Variants in EP300 observed in about 807,000 individuals in gnomAD.
The protein encoded by EP300 is histone acetyltransferase p300.
In EP300, 31 loss-of-function variants were observed where a neutral mutation model predicts 264.0. The observed-to-expected ratio is 0.12, with a 90% CI of 0.09 to 0.16. EP300 has a LOEUF of 0.16. Ranked by LOEUF, EP300 falls within the 10% of genes least tolerant of loss-of-function variation. The probability of loss-of-function intolerance (pLI) is 1.00; values close to 1 mark genes in which losing one functional copy is unlikely to be tolerated. For missense variants in EP300, 2,766 were observed against 3,052.9 expected, an observed-to-expected ratio of 0.91 and a Z score of 2.21; for synonymous variants, 1,340 against 1,045.4, an observed-to-expected ratio of 1.28 and a Z score of -5.44.
chr22:41,111,509 A>C (rs928549336), intron 1 of EP300, among the ~76,000 whole-genome samples: 1 of 152,044 alleles, frequency 6.6e-6, no homozygotes, highest in African/African-American at 2.4e-5. Context: ...ACAGACAATA[A>C]GTTTTGTTTC....
intron 17 of EP300, among the ~76,000 whole-genome samples, chr22:41,155,973 C>T (rs2059074374): frequency 6.6e-6 from 1 of 151,960 alleles, no homozygotes; most frequent in African/African-American, 2.4e-5. Context: ...AGTGGAATTC[C>T]TGGGTTATAT....
In EP300 at chr22:41,168,808, G is replaced by A. The variant is rs775528306; in HGVS notation, c.4113G>A (p.Leu1371=). ...FAFEEIDGVD[L]CFFGMHVQEY... ...TTGAAGAAATTGATGGTGTTGACCTGTGCTTCTTTGGCATGCATGTTCAAG... is the reference window on the plus strand; with the variant it reads ...TTGAAGAAATTGATGGTGTTGACCTATGCTTCTTTGGCATGCATGTTCAAG... The change falls in exon 25 of 31, where the codon CTG becomes CTA. Residue 1371 remains leucine, a synonymous_variant. Coordinates refer to ENST00000263253, the MANE Select transcript of EP300 (RefSeq NM_001429.4). The A allele has an allele frequency of 6.2e-7, 1 of 1,614,180 alleles. No homozygotes were observed. Among genetic ancestry groups the A allele is most frequent in the Non-Finnish European group, 8.5e-7 (1 of 1,180,040 alleles).
At chr22:41,114,077 G>C (rs947380124) in intron 1 of EP300, among the ~76,000 whole-genome samples, 2 of 152,180 alleles carry the variant, frequency 1.3e-5, no homozygotes, top group African/African-American at 2.4e-5. Context: ...TGTAAATCAC[G>C]TAAGTATAAG....
chr22:41,149,797 C>G lies in EP300; in HGVS notation c.2416C>G (p.Pro806Ala). 6.2e-7 allele frequency: 1 copy of G among 1,614,112 alleles called. No homozygotes were observed. The highest frequency in any genetic ancestry group is 2.2e-5 in the East Asian group (1 of 44,890). The change falls in exon 14 of 31, where the codon CCT becomes GCT. Residue 806 changes from proline to alanine, a missense_variant. By Grantham distance (27) the Pro-to-Ala change is conservative (BLOSUM62 -1). Transcript: ENST00000263253. ...TAGTTCTTCCTGCCCGGTGAACTCTCCTATAATGCCTCCAGGGTCTCAGGG... is the reference window on the plus strand; with the variant it reads ...TAGTTCTTCCTGCCCGGTGAACTCTGCTATAATGCCTCCAGGGTCTCAGGG... ...MSSSSCPVNS[P>A]IMPPGSQGSH...
chr22:41,155,239 T>G, intron 17 of EP300, 126 bp downstream of exon 17: 1 of 818,784 alleles, frequency 1.2e-6, no homozygotes, highest in Non-Finnish European at 2.0e-6. Context: ...TTTTTTTTTT[T>G]CCCCCTGAGA....
chr22:41,103,173 G>A (rs1251654833), intron 1 of EP300, among the ~76,000 whole-genome samples: 1 of 152,144 alleles, frequency 6.6e-6, no homozygotes, highest in African/African-American at 2.4e-5. Flanking sequence ...ATAAATTGGG[G>A]AGCATAGGAA....
At chr22:41,126,658 G>C (rs2058884129) in intron 3 of EP300, among the ~76,000 whole-genome samples, 1 of 147,366 alleles carries the variant, frequency 6.8e-6, no homozygotes. Context: ...GCCTATATTT[G>C]AGATACTCTG....
In EP300 at chr22:41,164,079, G is replaced by A; in HGVS notation, c.3755G>A (p.Arg1252Lys). Residue 1252 changes from arginine (R) to lysine (K), a missense_variant, in exon 22 of 31, where the codon AGA (arginine) becomes AAA (lysine). Coordinates refer to ENST00000263253, the MANE Select transcript of EP300 (RefSeq NM_001429.4). ...ELFVECTECG[R>K]KMHQICVLHH... Reference sequence around the variant, plus strand: ...TTTGTTGAATGTACAGAGTGCGGAAGAAAGATGCATCAGATCTGTGTCCTT... The same window carrying A: ...TTTGTTGAATGTACAGAGTGCGGAAAAAAGATGCATCAGATCTGTGTCCTT... The A allele has an allele frequency of 6.2e-7, 1 of 1,614,170 alleles. No individual in the cohort carries two copies. The highest frequency in any genetic ancestry group is 8.5e-7 in the Non-Finnish European group (1 of 1,180,020).
chr22:41,143,564 T>A (rs1430877241), intron 10 of EP300, among the ~76,000 whole-genome samples: 1 of 152,152 alleles, frequency 6.6e-6, no homozygotes, highest in East Asian at 1.9e-4. Context: ...CATTTGTTTT[T>A]TTGTTGTTGG....
At chr22:41,103,698 A>G (rs1201376609) in intron 1 of EP300, among the ~76,000 whole-genome samples, 1 of 152,146 alleles carries the variant, frequency 6.6e-6, no homozygotes, top group Non-Finnish European at 1.5e-5. Context: ...GAGATGGGAA[A>G]GGATGTTGGG....
At chr22:41,140,580 G>A (rs2058976626) in intron 9 of EP300, among the ~76,000 whole-genome samples, 1 of 152,090 alleles carries the variant, frequency 6.6e-6, no homozygotes, top group African/African-American at 2.4e-5. Flanking sequence ...TCTGAGGTGG[G>A]CGGATCACTT....
chr22:41,155,295 C>T (rs1332057114), intron 17 of EP300, among the ~76,000 whole-genome samples, 182 bp downstream of exon 17: 1 of 151,854 alleles, frequency 6.6e-6, no homozygotes, highest in African/African-American at 2.4e-5. Context: ...GTGGCACGAT[C>T]GTGGCTCACT....
intron 8 of EP300, 107 bp from the exon 9 acceptor site, chr22:41,140,033 C>A: frequency 2.5e-6 from 2 of 809,336 alleles, no homozygotes; most frequent in East Asian, 2.5e-5. Flanking sequence ...TATATATCAC[C>A]TTGCCATTAT....
intron 29 of EP300, 175 bp from the exon 30 acceptor site, chr22:41,176,072 T>C (rs968525443): frequency 1.4e-6 from 1 of 706,908 alleles, no homozygotes; most frequent in Admixed American, 2.7e-5. Context: ...ATGCAGAAAT[T>C]AGCCAGGTGT....
At position 41,131,366 on chromosome 22, in the gene EP300, CTA is replaced by C; in HGVS notation, c.1283-18_1283-17del. 6.2e-7 allele frequency: 1 copy of C among 1,611,936 alleles called. No homozygotes were observed. Among genetic ancestry groups the C allele is most frequent in the Non-Finnish European group, 8.5e-7 (1 of 1,179,300 alleles). On this transcript the variant is annotated intron_variant, in intron 5 of 30. Transcript: ENST00000263253. ...TTCTCACCAGCATTAATTTGTAATA[CTA>C]TATCTTTTGTCTTCTCTAGCAATTT...
chr22:41,147,285 G>A (rs1242982953), intron 11 of EP300, among the ~76,000 whole-genome samples: 3 of 145,516 alleles, frequency 2.1e-5, no homozygotes, highest in Non-Finnish European at 4.5e-5. Flanking sequence ...CAGCCTGAGT[G>A]ACAGCAAGAC....
Position 41,146,800 on chromosome 22 carries a change from A to C in EP300, c.2115A>C (p.Arg705=). Residue 705 remains arginine, a synonymous_variant, in exon 11 of 31, where the codon CGA becomes CGC. Transcript: ENST00000263253. ...GTGTGCCAAACCAGATGATGCCTCG[A>C]ATAACTCCACAATCTGGTAAATAGT... ...RGSVPNQMMP[R]ITPQSGLNQF... 6.2e-7 allele frequency: 1 copy of C among 1,614,146 alleles called. No individual in the cohort carries two copies. Among genetic ancestry groups the C allele is most frequent in the Non-Finnish European group, 8.5e-7 (1 of 1,180,006 alleles).
chr22:41,094,886 C>A (rs2058693614), intron 1 of EP300, among the ~76,000 whole-genome samples: 1 of 152,054 alleles, frequency 6.6e-6, no homozygotes, highest in South Asian at 2.1e-4. Context: ...TACTTCTGTT[C>A]AGGTGTGCTA....
chr22:41,105,354 C>A (rs1299650692), intron 1 of EP300, among the ~76,000 whole-genome samples: 60 of 144,160 alleles, frequency 4.2e-4, no homozygotes, highest in African/African-American at 5.1e-4. Flanking sequence ...AACTGCATCT[C>A]AAAAAAAAAA....
Sources: allele counts gnomAD v4.1 joint callset (sites outside exome capture counted in the v4.1 genomes callset), GRCh38; gene constraint gnomAD v4.1.1; transcripts MANE v1.5; gene names NCBI Gene and HGNC (gene_info 2026-07-23, HGNC 2026-07-21).